Variants in ZDHHC14 observed in about 807,000 individuals in gnomAD.
ZDHHC14 encodes the protein zDHHC palmitoyltransferase 14, also known as palmitoyltransferase ZDHHC14.
In ZDHHC14, 16 loss-of-function variants were observed where a neutral mutation model predicts 47.7. The observed-to-expected ratio is 0.34, with a 90% confidence interval of 0.23 to 0.51. The LOEUF is 0.51. Ranked by LOEUF, ZDHHC14 falls within the 20% of genes least tolerant of loss-of-function variation. The pLI, the probability that ZDHHC14 is intolerant of heterozygous loss-of-function variation, is 0.97. For synonymous variants in ZDHHC14, 293 were observed against 278.9 expected (o/e 1.05, Z -0.50); for missense variants, 515 against 662.5 (o/e 0.78, Z 2.44).
chr6:157,527,266 C>T (rs898831386), intron 1 of ZDHHC14, among the ~76,000 whole-genome samples: 2 of 152,168 alleles, frequency 1.3e-5, no homozygotes, highest in Non-Finnish European at 2.9e-5. Flanking sequence ...TTGGGCACCT[C>T]CCATCGACTC....
chr6:157,516,368 A>T (rs1780693648), intron 1 of ZDHHC14, among the ~76,000 whole-genome samples: 1 of 152,166 alleles, frequency 6.6e-6, no homozygotes, highest in African/African-American at 2.4e-5. Context: ...CTCCTAAGGT[A>T]ATTTTATCTC....
chr6:157,545,196 GAGGGT>G (rs1283227571), intron 2 of ZDHHC14, among the ~76,000 whole-genome samples: 3 of 152,184 alleles, frequency 2.0e-5, no homozygotes, highest in African/African-American at 7.2e-5. Flanking sequence ...CTGGGGCTGG[GAGGGT>G]AGGAGTGCAG....
intron 1 of ZDHHC14, among the ~76,000 whole-genome samples, chr6:157,459,236 C>A (rs112544797): frequency 0.019 from 2,963 of 152,240 alleles, 98 homozygotes; most frequent in African/African-American, 0.067. Context: ...AAATTGTTGA[C>A]GTTCATCATA....
At chr6:157,435,815 C>T (rs1243675205) in intron 1 of ZDHHC14, among the ~76,000 whole-genome samples, 1 of 152,192 alleles carries the variant, frequency 6.6e-6, no homozygotes, top group African/African-American at 2.4e-5. Context: ...GCTGGGATTA[C>T]AGGTATGAGC....
intron 1 of ZDHHC14, among the ~76,000 whole-genome samples, chr6:157,425,670 T>C (rs776822283): frequency 6.6e-6 from 1 of 152,242 alleles, no homozygotes; most frequent in Non-Finnish European, 1.5e-5. Flanking sequence ...CTTGATCATG[T>C]CACTCTTCTG....
chr6:157,495,352 G>A lies in ZDHHC14; in HGVS notation c.246-47233G>A, dbSNP rs955624100. Reference sequence around the variant, plus strand: ...CATTTAACAAATATTTCTGCTGTACGTGCACTGGGTGAGCACTATGAGCAA... The same window carrying A: ...CATTTAACAAATATTTCTGCTGTACATGCACTGGGTGAGCACTATGAGCAA... On this transcript the variant is annotated intron_variant, in intron 1 of 8. Transcript: ENST00000359775. Among the ~76,000 whole-genome samples, 19 of 152,126 alleles carry A rather than the reference G, an allele frequency of 1.2e-4. 1 individual carries two copies. Among genetic ancestry groups the A allele is most frequent in the South Asian group, 8.3e-4 (4 of 4,814 alleles).
intron 8 of ZDHHC14, among the ~76,000 whole-genome samples, chr6:157,671,826 T>G (rs1778810913): frequency 6.6e-6 from 1 of 152,218 alleles, no homozygotes. Context: ...CCAAACAGTC[T>G]TTTCTTTTTT....
At chr6:157,480,853 C>T (rs957235750) in intron 1 of ZDHHC14, among the ~76,000 whole-genome samples, 1 of 150,952 alleles carries the variant, frequency 6.6e-6, no homozygotes, top group Admixed American at 6.6e-5. Flanking sequence ...AATAGATTTT[C>T]ATATTGCAAC....
At chr6:157,648,550 C>A (rs903423982) in intron 7 of ZDHHC14, among the ~76,000 whole-genome samples, 2 of 151,992 alleles carry the variant, frequency 1.3e-5, no homozygotes, top group Non-Finnish European at 2.9e-5. Context: ...CATTTTCTAG[C>A]TTTAGCCTAG....
rs141759982 is a variant in ZDHHC14 at position 157,638,712 on chromosome 6, C to A, written c.752+5830C>A. ...GCACCGTCTCGCCCTCTTCTGCCAG[C>A]ATCTGCTGCTGCCCAGATCTGGGTT... is the stretch of plus-strand genomic sequence containing the variant. On this transcript the variant is annotated intron_variant, in intron 5 of 8. Coordinates refer to ENST00000359775, the MANE Select transcript of ZDHHC14 (RefSeq NM_024630.3). 2.1e-3 allele frequency among the ~76,000 whole-genome samples: 316 copies of A among 152,392 alleles called. 2 individuals carry two copies. Among genetic ancestry groups the A allele is most frequent in the Admixed American group, 3.0e-3 (46 of 15,310 alleles).
At chr6:157,583,053 T>G (rs1783570308) in intron 2 of ZDHHC14, among the ~76,000 whole-genome samples, 1 of 151,948 alleles carries the variant, frequency 6.6e-6, no homozygotes, top group Admixed American at 6.6e-5. Flanking sequence ...TATAGTACGT[T>G]TTTTATCTTT....
intron 1 of ZDHHC14, among the ~76,000 whole-genome samples, chr6:157,429,527 G>T (rs1337972275): frequency 7.4e-6 from 1 of 135,494 alleles, no homozygotes; most frequent in East Asian, 2.5e-4. Context: ...GCTGTATGTA[G>T]CATATATTAG....
intron 2 of ZDHHC14, among the ~76,000 whole-genome samples, chr6:157,566,316 G>T (rs564680583): frequency 6.6e-6 from 1 of 152,258 alleles, no homozygotes; most frequent in East Asian, 1.9e-4. Flanking sequence ...GCCAGGCTGG[G>T]GGTGTCTCTC....
chr6:157,630,167 A>T (rs1012991726), intron 4 of ZDHHC14: 3 of 151,882 alleles, frequency 2.0e-5, no homozygotes, highest in African/African-American at 7.3e-5. Context: ...TTTAGTAGAG[A>T]TAGGGTTTCA....
intron 2 of ZDHHC14, among the ~76,000 whole-genome samples, chr6:157,577,623 C>T (rs924691748): frequency 9.2e-5 from 14 of 152,214 alleles, no homozygotes; most frequent in African/African-American, 3.1e-4. Flanking sequence ...GATCTAGGCT[C>T]ACTGCAACCT....
At chr6:157,525,598 T>C (rs985877048) in intron 1 of ZDHHC14, among the ~76,000 whole-genome samples, 1 of 152,084 alleles carries the variant, frequency 6.6e-6, no homozygotes, top group Non-Finnish European at 1.5e-5. Flanking sequence ...CCCACCACCT[T>C]GACCACTTTC....
chr6:157,646,697 T>G (rs1777574107), intron 6 of ZDHHC14, among the ~76,000 whole-genome samples: 1 of 152,164 alleles, frequency 6.6e-6, no homozygotes, highest in Admixed American at 6.5e-5. Flanking sequence ...ATACTTAGAT[T>G]TTGATAGAAG....
At chr6:157,540,665 A>G (rs1201358575) in intron 1 of ZDHHC14, among the ~76,000 whole-genome samples, 3 of 152,168 alleles carry the variant, frequency 2.0e-5, no homozygotes, top group African/African-American at 7.2e-5. Context: ...AAATTCATTA[A>G]TCTTGAGAAG....
chr6:157,462,819 C>T (rs55702276), intron 1 of ZDHHC14, among the ~76,000 whole-genome samples: 1 of 152,274 alleles, frequency 6.6e-6, no homozygotes, highest in Admixed American at 6.5e-5. Context: ...TCCTGCCCTT[C>T]ACTGCCTTTT....
Sources: allele counts gnomAD v4.1 joint callset (sites outside exome capture counted in the v4.1 genomes callset), GRCh38; gene constraint gnomAD v4.1.1; transcripts MANE v1.5; gene names NCBI Gene and HGNC (gene_info 2026-07-23, HGNC 2026-07-21).